The following RBFOX1 variants were observed in gnomAD, a reference collection of about 807,000 sequenced individuals.
RBFOX1 encodes RNA binding fox-1 homolog 1, also known as RNA binding protein fox-1 homolog 1.
A neutral mutation model predicts 57.7 loss-of-function variants in RBFOX1; 8 were observed. The ratio of observed to expected loss-of-function variants is 0.14; its 90% confidence interval spans 0.08 to 0.25. The LOEUF is 0.25. Among genes scored for constraint, RBFOX1 ranks in the 10% least tolerant of loss-of-function variants. RBFOX1 has a pLI of 1.00. For missense variants in RBFOX1, 611 were observed against 548.5 expected (o/e 1.11, Z -1.14); for synonymous variants, 326 against 222.4 (o/e 1.47, Z -4.15).
At chr16:5,627,357 C>T (rs1423992823) in intron 3 of RBFOX1, among the ~76,000 whole-genome samples, 2 of 152,024 alleles carry the variant, frequency 1.3e-5, no homozygotes, top group African/African-American at 2.4e-5. Context: ...AATTGTAAAA[C>T]AGAAACCAAA....
At chr16:5,438,418 G>A (rs1429718006) in intron 1 of RBFOX1, among the ~76,000 whole-genome samples, 1 of 152,160 alleles carries the variant, frequency 6.6e-6, no homozygotes, top group African/African-American at 2.4e-5. Context: ...ACATAAAGCA[G>A]TGGACAAGTG....
At chr16:5,977,571 C>T (rs1052080004) in intron 4 of RBFOX1, among the ~76,000 whole-genome samples, 6 of 152,146 alleles carry the variant, frequency 3.9e-5, no homozygotes, top group Admixed American at 2.0e-4. Context: ...CACCTTTGGC[C>T]CTTGAAACAG....
intron 2 of RBFOX1, among the ~76,000 whole-genome samples, chr16:6,589,577 G>C (rs1410535760): frequency 1.3e-5 from 2 of 152,208 alleles, no homozygotes; most frequent in Non-Finnish European, 2.9e-5. Flanking sequence ...TTTTACAATA[G>C]TGGTGTTATC....
chr16:6,675,274 C>G (rs566638665), intron 3 of RBFOX1, among the ~76,000 whole-genome samples: 1 of 152,310 alleles, frequency 6.6e-6, no homozygotes, highest in African/African-American at 2.4e-5. Context: ...TAACATATTT[C>G]CATGTCTGAA....
intron 4 of RBFOX1, among the ~76,000 whole-genome samples, chr16:7,274,786 G>T (rs985122189): frequency 1.3e-5 from 2 of 152,064 alleles, no homozygotes. Context: ...CCAGGTTCCA[G>T]TGATTCTCAT....
chr16:5,358,785 C>T (rs1406560332), intron 1 of RBFOX1, among the ~76,000 whole-genome samples: 1 of 152,200 alleles, frequency 6.6e-6, no homozygotes, highest in East Asian at 1.9e-4. Context: ...CGAGATCGCG[C>T]CATTGCACTC....
At chr16:5,836,322 C>G (rs2056455248) in intron 3 of RBFOX1, among the ~76,000 whole-genome samples, 2 of 152,248 alleles carry the variant, frequency 1.3e-5, no homozygotes, top group Non-Finnish European at 2.9e-5. Flanking sequence ...AGAAAGGAAG[C>G]TCCAAGACCC....
At chr16:7,700,288 A>G (rs1430095096) in intron 14 of RBFOX1, among the ~76,000 whole-genome samples, 2 of 152,146 alleles carry the variant, frequency 1.3e-5, no homozygotes, top group African/African-American at 4.8e-5. Context: ...TTAACTAGTA[A>G]TCATAACCCT....
At chr16:7,058,462 T>C (rs992756981) in intron 4 of RBFOX1, among the ~76,000 whole-genome samples, 3 of 152,204 alleles carry the variant, frequency 2.0e-5, no homozygotes, top group Admixed American at 1.3e-4. Flanking sequence ...AGATAAAATC[T>C]AGACTTTGCA....
intron 3 of RBFOX1, among the ~76,000 whole-genome samples, chr16:6,735,002 T>C (rs2069743912): frequency 6.6e-6 from 1 of 152,022 alleles, no homozygotes; most frequent in Non-Finnish European, 1.5e-5. Flanking sequence ...TAGCCTGTTG[T>C]GGTAGCACAG....
At chr16:6,794,363 T>C (rs2083543786) in intron 3 of RBFOX1, among the ~76,000 whole-genome samples, 1 of 149,682 alleles carries the variant, frequency 6.7e-6, no homozygotes, top group Non-Finnish European at 1.5e-5. Context: ...TACAGGAAAT[T>C]GCTTTCCTTA....
At chr16:5,873,722 A>G (rs1441060563) in intron 4 of RBFOX1, among the ~76,000 whole-genome samples, 3 of 152,220 alleles carry the variant, frequency 2.0e-5, no homozygotes, top group East Asian at 1.9e-4. Flanking sequence ...GATGTTGTCA[A>G]TAGAGCAAAA....
At chr16:6,635,641 C>T (rs2098425235) in intron 2 of RBFOX1, among the ~76,000 whole-genome samples, 1 of 152,102 alleles carries the variant, frequency 6.6e-6, no homozygotes, top group African/African-American at 2.4e-5. Flanking sequence ...AGGAAGGTGG[C>T]ATAGGCACAG....
At chr16:7,076,733 C>T (rs78597976) in intron 4 of RBFOX1, among the ~76,000 whole-genome samples, 1,543 of 152,238 alleles carry the variant, frequency 0.01, 31 homozygotes, top group African/African-American at 0.035. Context: ...GATGTTCACT[C>T]GTAACAGTGT....
chr16:5,829,844 G>C (rs905889530), intron 3 of RBFOX1, among the ~76,000 whole-genome samples: 4 of 152,120 alleles, frequency 2.6e-5, no homozygotes, highest in African/African-American at 7.2e-5. Context: ...AAAGCCCTCA[G>C]TCATTCAGAA....
intron 2 of RBFOX1, among the ~76,000 whole-genome samples, chr16:6,359,939 T>C (rs1037513691): frequency 7.9e-5 from 12 of 152,194 alleles, no homozygotes; most frequent in Admixed American, 7.9e-4. Flanking sequence ...TGGGATGTGA[T>C]CTATGTCCTC....
chr16:7,440,033 C>G (rs930110142), intron 4 of RBFOX1, among the ~76,000 whole-genome samples: 1 of 150,162 alleles, frequency 6.7e-6, no homozygotes, highest in Non-Finnish European at 1.5e-5. Context: ...CTCACAGCAG[C>G]CTCCATCTCC....
At chr16:5,428,632 T>C (rs2067636259) in intron 1 of RBFOX1, among the ~76,000 whole-genome samples, 1 of 151,884 alleles carries the variant, frequency 6.6e-6, no homozygotes. Context: ...GGAAGGCTTC[T>C]TGGAGGAGGT....
intron 3 of RBFOX1, among the ~76,000 whole-genome samples, chr16:6,961,165 A>ACACAC (rs1461621694): frequency 3.3e-5 from 5 of 150,580 alleles, no homozygotes; most frequent in Admixed American, 6.6e-5. Flanking sequence ...ACACACACGC[A>ACACAC]AAAGAAAGAA....
Sources: allele counts gnomAD v4.1 joint callset (sites outside exome capture counted in the v4.1 genomes callset), GRCh38; gene constraint gnomAD v4.1.1; transcripts MANE v1.5; gene names NCBI Gene and HGNC (gene_info 2026-07-23, HGNC 2026-07-21).